The following ATF1 variants were observed in gnomAD, a reference collection of about 807,000 sequenced individuals.
ATF1 encodes the protein activating transcription factor 1.
ATF1 carries 16 observed loss-of-function variants against 34.7 expected under a neutral mutation model. The observed-to-expected ratio is 0.46, with a 90% CI of 0.31 to 0.70. The LOEUF (loss-of-function observed/expected upper bound fraction) is 0.70. Ranked by LOEUF, ATF1 falls within the 30% of genes least tolerant of loss-of-function variation. The pLI is 0.05. For missense variants in ATF1, 255 were observed against 321.6 expected (o/e 0.79, Z 1.58); for synonymous variants, 105 against 113.1 (o/e 0.93, Z 0.46).
At chr12:50,794,587 A>G (rs1941373559) in intron 2 of ATF1, among the ~76,000 whole-genome samples, 1 of 151,764 alleles carries the variant, frequency 6.6e-6, no homozygotes, top group South Asian at 2.1e-4. Context: ...ATTCAGATGA[A>G]GTCGGATATC....
chr12:50,768,632 A>G (rs916377138), intron 1 of ATF1, among the ~76,000 whole-genome samples: 4 of 151,904 alleles, frequency 2.6e-5, no homozygotes, highest in Admixed American at 6.6e-5. Context: ...GTCGTGTGTA[A>G]TATTTATATA....
intron 1 of ATF1, among the ~76,000 whole-genome samples, chr12:50,771,391 AT>A (rs1234222093): frequency 2.6e-5 from 4 of 152,118 alleles, no homozygotes; most frequent in African/African-American, 9.7e-5. Context: ...TTTCTTACTA[AT>A]TTTCCAGATA....
chr12:50,794,228 G>T (rs1285812600), intron 2 of ATF1, among the ~76,000 whole-genome samples: 2 of 151,702 alleles, frequency 1.3e-5, no homozygotes, highest in Non-Finnish European at 2.9e-5. Context: ...GGGATTACAG[G>T]CGTGAGCCAC....
At chr12:50,793,468 T>C (rs1189893867) in intron 2 of ATF1, among the ~76,000 whole-genome samples, 1 of 151,750 alleles carries the variant, frequency 6.6e-6, no homozygotes, top group African/African-American at 2.4e-5. Context: ...TACTAAAAAA[T>C]ACAAAAATGA....
chr12:50,810,076 G>A (rs1036080122), intron 4 of ATF1, among the ~76,000 whole-genome samples: 3 of 151,756 alleles, frequency 2.0e-5, no homozygotes, highest in East Asian at 2.0e-4. Context: ...CAGGTGATCC[G>A]TCCACCTTGG....
intron 1 of ATF1, among the ~76,000 whole-genome samples, chr12:50,769,521 AT>A (rs1439269702): frequency 6.6e-6 from 1 of 152,022 alleles, no homozygotes; most frequent in Non-Finnish European, 1.5e-5. Flanking sequence ...AAAAAAAAAA[AT>A]TCATACAGGA....
At chr12:50,790,473 G>C (rs1288601347) in intron 2 of ATF1, among the ~76,000 whole-genome samples, 1 of 152,058 alleles carries the variant, frequency 6.6e-6, no homozygotes. Context: ...GATTATAGGT[G>C]TGAGTCCCTG....
At chr12:50,770,992 C>T (rs2139636376) in intron 1 of ATF1, among the ~76,000 whole-genome samples, 1 of 151,988 alleles carries the variant, frequency 6.6e-6, no homozygotes, top group South Asian at 2.1e-4. Flanking sequence ...ACTTATTTTG[C>T]TTTACTCTTT....
intron 2 of ATF1, among the ~76,000 whole-genome samples, chr12:50,787,678 G>A (rs1192267114): frequency 1.3e-5 from 2 of 152,070 alleles, no homozygotes; most frequent in African/African-American, 4.8e-5. Flanking sequence ...GTGGGCAGAG[G>A]TTGCAGTGAG....
At chr12:50,775,808 AT>A (rs763130680) in intron 1 of ATF1, 1 of 152,112 alleles carries the variant, frequency 6.6e-6, no homozygotes, top group Non-Finnish European at 1.5e-5. Context: ...TTTAAAAGGT[AT>A]TTTTAGTAGA....
chr12:50,767,013 G>A (rs1346366280), intron 1 of ATF1, among the ~76,000 whole-genome samples: 2 of 152,066 alleles, frequency 1.3e-5, no homozygotes, highest in Non-Finnish European at 2.9e-5. Flanking sequence ...TTTATCACAC[G>A]TATTTTGCTC....
In ATF1 at chr12:50,819,620, A is replaced by G. The variant is rs373294048; in HGVS notation, c.672-15A>G. On this transcript the variant is annotated splice_polypyrimidine_tract_variant and intron_variant, in intron 6 of 6. Coordinates refer to ENST00000262053, the MANE Select transcript of ATF1 (RefSeq NM_005171.5). Reference sequence around the variant, plus strand: ...AAGTTTTTTCTAACATTGTTTTTTTAATGCTCATATTTAGAGAAGCTGCTC... The same window carrying G: ...AAGTTTTTTCTAACATTGTTTTTTTGATGCTCATATTTAGAGAAGCTGCTC... 15 of 1,605,698 alleles carry G rather than the reference A, an allele frequency of 9.3e-6. No individual in the cohort carries two copies. The highest frequency in any genetic ancestry group is 8.9e-5 in the East Asian group (4 of 44,854).
intron 3 of ATF1, among the ~76,000 whole-genome samples, chr12:50,797,048 G>A (rs1322101339): frequency 1.3e-5 from 2 of 152,192 alleles, no homozygotes; most frequent in African/African-American, 4.8e-5. Flanking sequence ...AAGACAAAAT[G>A]AGAGAACCTG....
At chr12:50,785,328 CACACACACACAG>C (rs1421783992) in intron 2 of ATF1, among the ~76,000 whole-genome samples, 13 of 100,768 alleles carry the variant, frequency 1.3e-4, no homozygotes, top group Admixed American at 4.2e-4. Flanking sequence ...CACACACACA[CACACACACACAG>C]ACGTATATAT....
intron 1 of ATF1, among the ~76,000 whole-genome samples, chr12:50,773,297 G>A (rs550795605): frequency 2.0e-5 from 3 of 152,004 alleles, no homozygotes; most frequent in Admixed American, 2.0e-4. Flanking sequence ...GGTATTGCTG[G>A]GTCAAATGGT....
chr12:50,814,571 A>C, intron 6 of ATF1, 132 bp downstream of exon 6: 1 of 1,019,212 alleles, frequency 9.8e-7, no homozygotes, highest in Non-Finnish European at 1.4e-6. Context: ...GACCACATAA[A>C]TGAATGACGG....
Position 50,819,961 on chromosome 12 carries a change from G to A in ATF1, c.*182G>A, listed in dbSNP as rs184951419. The A allele has an allele frequency of 6.5e-4, 318 of 491,734 alleles. 1 individual carries two copies. Among genetic ancestry groups the A allele is most frequent in the African/African-American group, 5.4e-3 (268 of 49,418 alleles). The allele number at this position is 491,734 out of a possible 1,614,324, so 30.5% of individuals were successfully genotyped here. On this transcript the variant is annotated 3_prime_UTR_variant, in exon 7 of 7. Coordinates refer to ENST00000262053, the MANE Select transcript of ATF1 (RefSeq NM_005171.5). ...GAAAGTGGAAAATGACCTCAAGGAA[G>A]CTACGGGCACAACTGGAAGCTTTGT... is the stretch of plus-strand genomic sequence containing the variant.
chr12:50,809,149 G>C (rs977189037), intron 3 of ATF1, among the ~76,000 whole-genome samples: 3 of 152,012 alleles, frequency 2.0e-5, no homozygotes, highest in Non-Finnish European at 4.4e-5. Flanking sequence ...GGAGATGAGT[G>C]GATCACTTGA....
intron 2 of ATF1, among the ~76,000 whole-genome samples, chr12:50,784,985 G>A (rs1262506140): frequency 2.6e-5 from 4 of 151,396 alleles, no homozygotes; most frequent in African/African-American, 4.9e-5. Flanking sequence ...CCATGCTGGT[G>A]TGCTGCACCC....
Sources: allele counts gnomAD v4.1 joint callset (sites outside exome capture counted in the v4.1 genomes callset), GRCh38; gene constraint gnomAD v4.1.1; transcripts MANE v1.5; gene names NCBI Gene and HGNC (gene_info 2026-07-23, HGNC 2026-07-21).